ARHGEF12: variants seen among roughly 807,000 people sequenced by gnomAD.
The protein encoded by ARHGEF12 is KMT2A/ARHGEF12 fusion protein.
Under a neutral mutation model 211.2 loss-of-function variants are expected in ARHGEF12, and 66 were observed. The ratio of observed to expected loss-of-function variants is 0.31; its 90% CI spans 0.26 to 0.38. The LOEUF is 0.38. Among genes scored for constraint, ARHGEF12 ranks in the 10% least tolerant of loss-of-function variants. The probability of loss-of-function intolerance (pLI) is 1.00; values close to 1 mark genes in which losing one functional copy is unlikely to be tolerated. For missense variants in ARHGEF12, 1,429 were observed against 1,869.5 expected (o/e 0.76, Z 4.34); for synonymous variants, 592 against 638.4 (o/e 0.93, Z 1.09).
In ARHGEF12 at chr11:120,447,099, G is replaced by A. The variant is rs2135817782; in HGVS notation, c.1589+14G>A. 1.2e-6 allele frequency: 2 copies of A among 1,613,092 alleles called. No individual in the cohort carries two copies. Among genetic ancestry groups the A allele is most frequent in the Admixed American group, 1.7e-5 (1 of 59,966 alleles). Reference sequence around the variant, plus strand: ...TGAAGAAGTATTGTAAGTAATAGAAGTATATGTGGAAATGCCCTCTCTGCT... The same window carrying A: ...TGAAGAAGTATTGTAAGTAATAGAAATATATGTGGAAATGCCCTCTCTGCT... On this transcript the variant is annotated intron_variant, in intron 18 of 40. Coordinates refer to ENST00000397843, the MANE Select transcript of ARHGEF12 (RefSeq NM_015313.3).
At position 120,458,204 on chromosome 11, in the gene ARHGEF12, T is replaced by C. The variant is rs748160452; in HGVS notation, c.2350T>C (p.Cys784Arg). 2 of 1,613,728 alleles carry C rather than the reference T, an allele frequency of 1.2e-6. No homozygotes were observed. Among genetic ancestry groups the C allele is most frequent in the South Asian group, 1.1e-5 (1 of 91,000 alleles). The change falls in exon 25 of 41, where the codon TGT (cysteine) becomes CGT (arginine). Residue 784 changes from cysteine (C) to arginine (R), a missense_variant. This residue lies in a region of ARHGEF12 where 223 missense variants were observed against 444.6 expected (regional missense o/e 0.50). Coordinates refer to ENST00000397843, the MANE Select transcript of ARHGEF12 (RefSeq NM_015313.3). ...SREVLLGLKP[C>R]EIKRQEVINE... The stretch of plus-strand genomic sequence containing the variant: ...AGAAGTGTTACTGGGACTAAAACCT[T>C]GTGAAATCAAAAGACAGGAAGTGAT...
chr11:120,380,399 G>T (rs1050760038), intron 1 of ARHGEF12, among the ~76,000 whole-genome samples: 2 of 152,060 alleles, frequency 1.3e-5, no homozygotes, highest in Non-Finnish European at 2.9e-5. Flanking sequence ...TCTGTTCTAG[G>T]ATCAAATTTA....
In ARHGEF12 at chr11:120,451,532, C is replaced by G; in HGVS notation, c.1864C>G (p.Gln622Glu). The change falls in exon 22 of 41, where the codon CAG (glutamine) becomes GAG (glutamate). Residue 622 changes from glutamine (Q) to glutamate (E), a missense_variant. Transcript: ENST00000397843. ...NSAIGRAMEL[Q>E]KARHPKHLST... ...ATCAGTTGGCAGAGCCATGGAACTA[C>G]AGAAGGCGCGCCACCCTAAGCACTT... 1 of 1,614,142 alleles carries G rather than the reference C, an allele frequency of 6.2e-7. No individual in the cohort carries two copies. Among genetic ancestry groups the G allele is most frequent in the Non-Finnish European group, 8.5e-7 (1 of 1,180,018 alleles).
At chr11:120,423,841 T>G (rs1945268290) in intron 6 of ARHGEF12, among the ~76,000 whole-genome samples, 1 of 152,182 alleles carries the variant, frequency 6.6e-6, no homozygotes, top group African/African-American at 2.4e-5. Flanking sequence ...AGTTTTGCCT[T>G]GATTTGTTTG....
At chr11:120,370,717 AT>A in intron 1 of ARHGEF12, among the ~76,000 whole-genome samples, 1 of 151,798 alleles carries the variant, frequency 6.6e-6, no homozygotes, top group South Asian at 2.1e-4. Context: ...GTACTTTATG[AT>A]TTTCTCTGCT....
intron 27 of ARHGEF12, among the ~76,000 whole-genome samples, chr11:120,462,345 T>C (rs556618192): frequency 2.9e-4 from 44 of 152,300 alleles, no homozygotes; most frequent in African/African-American, 1.0e-3. Flanking sequence ...TGCCACCATA[T>C]GTGGGTGCAG....
chr11:120,376,913 C>G (rs971605510), intron 1 of ARHGEF12, among the ~76,000 whole-genome samples: 4 of 152,120 alleles, frequency 2.6e-5, no homozygotes, highest in African/African-American at 9.7e-5. Context: ...GGTGTCTGGC[C>G]TATTTCACTT....
At chr11:120,422,218 C>T (rs1278492111) in intron 6 of ARHGEF12, among the ~76,000 whole-genome samples, 7 of 152,184 alleles carry the variant, frequency 4.6e-5, no homozygotes, top group Non-Finnish European at 7.4e-5. Flanking sequence ...TGAGTACCAA[C>T]ATGACACCAT....
intron 1 of ARHGEF12, among the ~76,000 whole-genome samples, chr11:120,345,505 C>G (rs1029414180): frequency 2.6e-5 from 4 of 152,138 alleles, no homozygotes; most frequent in Admixed American, 2.0e-4. Flanking sequence ...AGATCAAGAC[C>G]ATTCTGGCTA....
intron 1 of ARHGEF12, among the ~76,000 whole-genome samples, chr11:120,390,876 T>G (rs960114393): frequency 2.6e-5 from 4 of 152,174 alleles, no homozygotes; most frequent in African/African-American, 9.7e-5. Context: ...CACATTTCTC[T>G]TCAATAAAAC....
chr11:120,446,357 G>T, intron 16 of ARHGEF12, 46 bp from the exon 17 acceptor site: 7 of 1,462,456 alleles, frequency 4.8e-6, no homozygotes, highest in Non-Finnish European at 6.6e-6. Context: ...ATTGTATGTT[G>T]CCCAGAACAT....
chr11:120,399,489 T>C (rs1043897974), intron 1 of ARHGEF12, among the ~76,000 whole-genome samples: 2 of 152,104 alleles, frequency 1.3e-5, no homozygotes, highest in African/African-American at 4.8e-5. Context: ...CTTGTCTGTT[T>C]AGCTGTCTGG....
chr11:120,374,085 G>C (rs1943661520), intron 1 of ARHGEF12, among the ~76,000 whole-genome samples: 1 of 152,180 alleles, frequency 6.6e-6, no homozygotes, highest in Non-Finnish European at 1.5e-5. Flanking sequence ...GGGATTACAG[G>C]CGTGAGCCAC....
intron 11 of ARHGEF12, among the ~76,000 whole-genome samples, chr11:120,435,707 A>G (rs1301410852): frequency 6.6e-6 from 1 of 151,604 alleles, no homozygotes; most frequent in Non-Finnish European, 1.5e-5. Context: ...TAATAGAGAC[A>G]GGGTTTCACC....
rs116852180 is a variant in ARHGEF12 at position 120,338,586 on chromosome 11, T to C, written c.32+1311T>C. Among the ~76,000 whole-genome samples the C allele has an allele frequency of 2.6e-5, 4 of 152,346 alleles. No homozygotes were observed. The East Asian group carries it at 7.7e-4, about 29-fold the overall frequency. On this transcript the variant is annotated intron_variant, in intron 1 of 40. Coordinates refer to ENST00000397843, the MANE Select transcript of ARHGEF12 (RefSeq NM_015313.3). ...TTTCCAAGAATACACTTAAGATAAG[T>C]ATTGACAATGCTTATCTTACTTTCT...
At chr11:120,409,831 T>G (rs1944828178) in intron 4 of ARHGEF12, 1 of 167,976 alleles carries the variant, frequency 6.0e-6, no homozygotes. Flanking sequence ...TATGAAGAAT[T>G]TGAGGAATTA....
intron 1 of ARHGEF12, among the ~76,000 whole-genome samples, chr11:120,387,098 G>C (rs1454483378): frequency 1.3e-5 from 2 of 151,980 alleles, no homozygotes; most frequent in Non-Finnish European, 2.9e-5. Flanking sequence ...GGTTGGACTA[G>C]GCAACCTTGG....
chr11:120,347,226 TTC>T (rs1430990707), intron 1 of ARHGEF12, among the ~76,000 whole-genome samples: 2 of 141,210 alleles, frequency 1.4e-5, no homozygotes, highest in Non-Finnish European at 1.5e-5. Flanking sequence ...CTTTCTTTCT[TTC>T]TCTCTGTCTC....
chr11:120,359,549 G>C lies in ARHGEF12; in HGVS notation c.32+22274G>C, dbSNP rs115799901. Among the ~76,000 whole-genome samples, 980 of 152,268 alleles carry C rather than the reference G, an allele frequency of 6.4e-3. 11 individuals carry two copies. The highest frequency in any genetic ancestry group is 0.023 in the African/African-American group (954 of 41,534). ...AAGCCAAAGTGCCCAGCCTATTGGT[G>C]GTCATTTTGGAGGCTTCCCACCACA... On this transcript the variant is annotated intron_variant, in intron 1 of 40. Transcript: ENST00000397843.
Sources: allele counts gnomAD v4.1 joint callset (sites outside exome capture counted in the v4.1 genomes callset), GRCh38; gene constraint gnomAD v4.1.1; regional missense constraint gnomAD v4.1.1; transcripts MANE v1.5; gene names NCBI Gene and HGNC (gene_info 2026-07-23, HGNC 2026-07-21).